RORA: variants seen among roughly 807,000 people sequenced by gnomAD.
RORA encodes the protein RAR related orphan receptor A, also known as nuclear receptor ROR-alpha.
In RORA, 7 loss-of-function variants were observed where a neutral mutation model predicts 69.5. That is an observed-to-expected ratio of 0.10 (90% CI 0.06 to 0.19). The LOEUF (loss-of-function observed/expected upper bound fraction) is 0.19. RORA is among the 10% of genes least tolerant of loss of function. RORA has a pLI of 1.00. For synonymous variants in RORA, 261 were observed against 240.8 expected (o/e 1.08, Z -0.78); for missense variants, 457 against 663.0 (o/e 0.69, Z 3.41).
chr15:60,879,391 A>G (rs528348579), intron 1 of RORA, among the ~76,000 whole-genome samples: 10 of 152,256 alleles, frequency 6.6e-5, no homozygotes, highest in Non-Finnish European at 1.5e-4. Flanking sequence ...TGGGTAGAGT[A>G]TATGAGATAA....
chr15:61,218,262 T>C (rs1336234276), intron 1 of RORA, among the ~76,000 whole-genome samples: 1 of 152,096 alleles, frequency 6.6e-6, no homozygotes, highest in Non-Finnish European at 1.5e-5. Context: ...ACGGTATTAA[T>C]GTCTCAAAGA....
intron 2 of RORA, among the ~76,000 whole-genome samples, chr15:60,664,143 T>C (rs1327173288): frequency 6.6e-6 from 1 of 152,212 alleles, no homozygotes. Flanking sequence ...AACATCTTCC[T>C]GTCTCTCAAA....
At chr15:61,033,222 G>T (rs998308334) in intron 1 of RORA, among the ~76,000 whole-genome samples, 15 of 152,150 alleles carry the variant, frequency 9.9e-5, no homozygotes, top group African/African-American at 3.6e-4. Flanking sequence ...GAGGCAAAGC[G>T]GGTCTTCCAT....
chr15:60,929,015 TG>T (rs975497460), intron 1 of RORA, among the ~76,000 whole-genome samples: 4 of 152,126 alleles, frequency 2.6e-5, no homozygotes, highest in African/African-American at 9.7e-5. Flanking sequence ...CAGACACACT[TG>T]TGTGCCCCGC....
At chr15:60,982,088 G>T (rs1412163992) in intron 1 of RORA, among the ~76,000 whole-genome samples, 2 of 152,208 alleles carry the variant, frequency 1.3e-5, no homozygotes, top group Admixed American at 6.5e-5. Flanking sequence ...TATTTGAATA[G>T]AAATATCCTT....
chr15:60,783,943 T>C (rs371148130), intron 1 of RORA, among the ~76,000 whole-genome samples: 4 of 152,204 alleles, frequency 2.6e-5, no homozygotes, highest in African/African-American at 9.6e-5. Context: ...TAATAAACCA[T>C]TCCCACAATT....
chr15:60,767,006 T>C (rs1175001264), intron 1 of RORA, among the ~76,000 whole-genome samples: 1 of 152,206 alleles, frequency 6.6e-6, no homozygotes, highest in Non-Finnish European at 1.5e-5. Flanking sequence ...CCACAGGTTG[T>C]GTATGGCCCA....
chr15:60,826,780 T>C (rs2072967686), intron 1 of RORA, among the ~76,000 whole-genome samples: 1 of 114,028 alleles, frequency 8.8e-6, no homozygotes, highest in African/African-American at 2.7e-5. Context: ...TCTCTCTCTC[T>C]CTCTCTCTCT....
At chr15:60,672,037 C>T (rs952819910) in intron 2 of RORA, among the ~76,000 whole-genome samples, 6 of 152,132 alleles carry the variant, frequency 3.9e-5, no homozygotes, top group East Asian at 3.9e-4. Flanking sequence ...CAGTGAGCCA[C>T]GCGCATGCCA....
Position 61,062,469 on chromosome 15 carries a change from A to G in RORA, c.166+166584T>C, listed in dbSNP as rs548023684. 3.2e-4 allele frequency among the ~76,000 whole-genome samples: 48 copies of G among 152,220 alleles called. 1 individual carries two copies. The East Asian group carries it at 8.9e-3, about 28-fold the overall frequency. On this transcript the variant is annotated intron_variant, in intron 1 of 10. Coordinates refer to ENST00000335670, the MANE Select transcript of RORA (RefSeq NM_134261.3). Reference sequence around the variant, plus strand: ...CCGGACGCCAGGCCTGGATGGAGTCAGGGAAGAGGTCTCAGAGGAGGGAAA... The same window carrying G: ...CCGGACGCCAGGCCTGGATGGAGTCGGGGAAGAGGTCTCAGAGGAGGGAAA...
chr15:60,597,660 A>C (rs1398357568), intron 2 of RORA, among the ~76,000 whole-genome samples: 1 of 115,244 alleles, frequency 8.7e-6, no homozygotes, highest in Non-Finnish European at 1.7e-5. Context: ...GTAAGCAAAC[A>C]CAAGAAATAC....
intron 2 of RORA, among the ~76,000 whole-genome samples, chr15:60,591,826 G>C (rs542383654): frequency 1.8e-4 from 27 of 152,096 alleles, no homozygotes; most frequent in African/African-American, 6.5e-4. Flanking sequence ...GCGCGGACCT[G>C]CGGCACTTGC....
intron 1 of RORA, among the ~76,000 whole-genome samples, chr15:61,114,626 A>G (rs762015322): frequency 2.0e-5 from 3 of 152,248 alleles, no homozygotes; most frequent in East Asian, 3.8e-4. Flanking sequence ...TAAAAATGCT[A>G]TAGGCCAATG....
At chr15:60,608,638 C>T (rs888962410) in intron 2 of RORA, among the ~76,000 whole-genome samples, 23 of 152,286 alleles carry the variant, frequency 1.5e-4, no homozygotes, top group African/African-American at 5.1e-4. Context: ...GGAAAGTTTT[C>T]CATGGTAGGA....
intron 1 of RORA, among the ~76,000 whole-genome samples, chr15:60,946,392 C>T (rs953592489): frequency 5.3e-5 from 8 of 152,332 alleles, no homozygotes; most frequent in Non-Finnish European, 7.3e-5. Flanking sequence ...CTCAGCCTGC[C>T]GAGTGCCTGC....
intron 2 of RORA, among the ~76,000 whole-genome samples, chr15:60,676,112 TAAAAA>T (rs35553925): frequency 6.6e-6 from 1 of 150,848 alleles, no homozygotes; most frequent in Non-Finnish European, 1.5e-5. Flanking sequence ...TTTAACATCT[TAAAAA>T]AAAACGTATA....
chr15:60,702,611 C>T (rs2070999956), intron 1 of RORA, among the ~76,000 whole-genome samples: 1 of 152,252 alleles, frequency 6.6e-6, no homozygotes, highest in Admixed American at 6.5e-5. Context: ...TGTGAATAAC[C>T]TTAGGAAGTC....
intron 1 of RORA, among the ~76,000 whole-genome samples, chr15:60,804,461 A>C (rs1195708273): frequency 6.6e-6 from 1 of 152,112 alleles, no homozygotes; most frequent in Admixed American, 6.5e-5. Context: ...TCAGGGAGGT[A>C]ACCTGTCCAA....
intron 2 of RORA, among the ~76,000 whole-genome samples, chr15:60,552,060 T>C (rs1033122344): frequency 6.6e-6 from 1 of 152,138 alleles, no homozygotes; most frequent in African/African-American, 2.4e-5. Flanking sequence ...TGGTTCACAG[T>C]GGTGGTGTTA....
Sources: gnomAD v4.1 joint callset for allele counts (sites outside exome capture counted in the v4.1 genomes callset) on GRCh38, gnomAD v4.1.1 for gene constraint, MANE v1.5 for transcripts, NCBI Gene and HGNC (gene_info 2026-07-23, HGNC 2026-07-21) for gene names.